The following RBFOX1 variants were observed in gnomAD, a reference collection of about 807,000 sequenced individuals.
RBFOX1 encodes RNA binding protein fox-1 homolog 1.
In RBFOX1, 8 loss-of-function variants were observed where a neutral mutation model predicts 57.7. The ratio of observed to expected loss-of-function variants is 0.14; its 90% CI spans 0.08 to 0.25. The LOEUF is 0.25. RBFOX1 is among the 10% of genes least tolerant of loss of function. The pLI, the probability that RBFOX1 is intolerant of heterozygous loss-of-function variation, is 1.00. For missense variants in RBFOX1, 611 were observed against 548.5 expected, an observed-to-expected ratio of 1.11 and a Z score of -1.14; for synonymous variants, 326 against 222.4, an observed-to-expected ratio of 1.47 and a Z score of -4.15.
chr16:6,945,259 T>G (rs929742729), intron 3 of RBFOX1, among the ~76,000 whole-genome samples: 1 of 152,138 alleles, frequency 6.6e-6, no homozygotes, highest in African/African-American at 2.4e-5. Flanking sequence ...GGGCAAGTCA[T>G]GTGACCTCTG....
At chr16:7,411,710 C>G (rs953776886) in intron 4 of RBFOX1, among the ~76,000 whole-genome samples, 1 of 151,970 alleles carries the variant, frequency 6.6e-6, no homozygotes, top group Admixed American at 6.6e-5. Flanking sequence ...TTGAGACCAG[C>G]CTGACCAACA....
chr16:6,896,986 G>A (rs114839644), intron 3 of RBFOX1, among the ~76,000 whole-genome samples: 2 of 152,158 alleles, frequency 1.3e-5, no homozygotes, highest in African/African-American at 2.4e-5. Context: ...AGGAAATGTC[G>A]TGGCTAACAG....
chr16:5,661,063 C>G lies in RBFOX1; in HGVS notation c.318+62102C>G, dbSNP rs60969810. Among the ~76,000 whole-genome samples the G allele has an allele frequency of 0.014, 2,109 of 152,238 alleles. 124 individuals are homozygous for G. The East Asian group carries it at 0.19, about 13-fold the overall frequency. ...CAATGGCATACTCATTCTGCACCTGCTCACTTCAGCCTGGCCGTCTTCCTC... is the reference window on the plus strand; with the variant it reads ...CAATGGCATACTCATTCTGCACCTGGTCACTTCAGCCTGGCCGTCTTCCTC... On this transcript the variant is annotated intron_variant, in intron 3 of 19. Coordinates refer to the RBFOX1 transcript ENST00000641259.
intron 4 of RBFOX1, among the ~76,000 whole-genome samples, chr16:7,194,618 T>A (rs1344719938): frequency 6.6e-6 from 1 of 152,156 alleles, no homozygotes; most frequent in African/African-American, 2.4e-5. Context: ...ACACTTCGTT[T>A]TATTACATTT....
At chr16:6,231,095 C>T (rs918973945) in intron 1 of RBFOX1, among the ~76,000 whole-genome samples, 5 of 151,970 alleles carry the variant, frequency 3.3e-5, no homozygotes, top group African/African-American at 9.7e-5. Context: ...GGTAAGTTGG[C>T]CAGGAAAGGT....
chr16:5,307,608 C>T (rs776007109), intron 1 of RBFOX1, among the ~76,000 whole-genome samples: 19 of 152,264 alleles, frequency 1.2e-4, no homozygotes, highest in East Asian at 1.9e-4. Flanking sequence ...TCACACACAC[C>T]GGGAATTGTG....
chr16:7,615,478 C>T (rs2058291761), intron 10 of RBFOX1, among the ~76,000 whole-genome samples: 1 of 152,114 alleles, frequency 6.6e-6, no homozygotes, highest in South Asian at 2.1e-4. Context: ...CTTCGATTTG[C>T]AGGTAAATTA....
chr16:5,283,321 C>G (rs1007554269), intron 1 of RBFOX1, among the ~76,000 whole-genome samples: 9 of 152,186 alleles, frequency 5.9e-5, no homozygotes, highest in Non-Finnish European at 1.2e-4. Flanking sequence ...CATAGAGTCC[C>G]TACTGTGGCA....
At chr16:6,965,869 G>A (rs988283198) in intron 3 of RBFOX1, among the ~76,000 whole-genome samples, 1 of 116,904 alleles carries the variant, frequency 8.6e-6, no homozygotes, top group African/African-American at 3.3e-5. Context: ...ACTGAGGCAT[G>A]GGGGGATTAA....
intron 1 of RBFOX1, among the ~76,000 whole-genome samples, chr16:6,076,834 G>A (rs1383739794): frequency 6.6e-6 from 1 of 152,124 alleles, no homozygotes; most frequent in African/African-American, 2.4e-5. Flanking sequence ...AAACCATGAG[G>A]CCAAAAACGG....
At chr16:6,597,391 C>G (rs773551616) in intron 2 of RBFOX1, among the ~76,000 whole-genome samples, 1 of 151,964 alleles carries the variant, frequency 6.6e-6, no homozygotes, top group Non-Finnish European at 1.5e-5. Context: ...ACCAGGGACC[C>G]AACCAGGCGC....
At chr16:7,146,584 G>C (rs1567449385) in intron 4 of RBFOX1, among the ~76,000 whole-genome samples, 1 of 152,112 alleles carries the variant, frequency 6.6e-6, no homozygotes, top group African/African-American at 2.4e-5. Context: ...AACAAAGCAA[G>C]AAGAATAAGC....
At chr16:7,000,778 A>G (rs925187766) in intron 3 of RBFOX1, among the ~76,000 whole-genome samples, 5 of 151,374 alleles carry the variant, frequency 3.3e-5, no homozygotes, top group African/African-American at 7.3e-5. Context: ...CTAACTTTCT[A>G]TATTTTTAGT....
At chr16:6,528,099 T>C (rs115017194) in intron 2 of RBFOX1, among the ~76,000 whole-genome samples, 1,996 of 152,292 alleles carry the variant, frequency 0.013, 32 homozygotes, top group African/African-American at 0.045. Context: ...AGGAAACCTT[T>C]CCTGATTCAC....
At chr16:7,279,848 G>T (rs1370519518) in intron 4 of RBFOX1, among the ~76,000 whole-genome samples, 1 of 152,200 alleles carries the variant, frequency 6.6e-6, no homozygotes, top group African/African-American at 2.4e-5. Flanking sequence ...TCCCTAAAGA[G>T]CCAGCCCTCA....
At chr16:6,932,683 A>G (rs988247574) in intron 3 of RBFOX1, among the ~76,000 whole-genome samples, 1 of 152,152 alleles carries the variant, frequency 6.6e-6, no homozygotes, top group African/African-American at 2.4e-5. Context: ...GTGCTCAAAC[A>G]CATGTCTCTA....
intron 1 of RBFOX1, among the ~76,000 whole-genome samples, chr16:6,109,506 T>C (rs568172423): frequency 6.6e-6 from 1 of 152,324 alleles, no homozygotes; most frequent in South Asian, 2.1e-4. Context: ...CGATGATATA[T>C]TTGTTGTAAA....
At chr16:7,254,016 A>G (rs1603449669) in intron 4 of RBFOX1, among the ~76,000 whole-genome samples, 1 of 152,170 alleles carries the variant, frequency 6.6e-6, no homozygotes, top group Non-Finnish European at 1.5e-5. Flanking sequence ...GCAGGGATGG[A>G]AAGTGTAAAT....
intron 2 of RBFOX1, among the ~76,000 whole-genome samples, chr16:5,556,201 G>T (rs999523111): frequency 2.0e-5 from 3 of 152,194 alleles, no homozygotes; most frequent in Non-Finnish European, 4.4e-5. Flanking sequence ...CATTCGGTCT[G>T]CAGAGGAGCC....
Sources: allele counts gnomAD v4.1 joint callset (sites outside exome capture counted in the v4.1 genomes callset), GRCh38; gene constraint gnomAD v4.1.1; transcripts MANE v1.5; gene names NCBI Gene and HGNC (gene_info 2026-07-23, HGNC 2026-07-21).